The following GABRB1 variants were observed in gnomAD, a reference collection of about 807,000 sequenced individuals.
GABRB1 encodes the protein gamma-aminobutyric acid type A receptor subunit beta1, also known as gamma-aminobutyric acid receptor subunit beta-1.
GABRB1 carries 17 observed loss-of-function variants against 51.6 expected under a neutral mutation model. The ratio of observed to expected loss-of-function variants is 0.33; its 90% CI spans 0.23 to 0.49. The LOEUF is 0.49. Ranked by LOEUF, GABRB1 falls within the 20% of genes least tolerant of loss-of-function variation. The probability of loss-of-function intolerance (pLI) is 0.99; values close to 1 mark genes in which losing one functional copy is unlikely to be tolerated. For synonymous variants in GABRB1, 247 were observed against 218.9 expected, an observed-to-expected ratio of 1.13 and a Z score of -1.14; for missense variants, 410 against 600.6, an observed-to-expected ratio of 0.68 and a Z score of 3.32.
intron 5 of GABRB1, among the ~76,000 whole-genome samples, chr4:47,343,209 T>G: frequency 6.6e-6 from 1 of 151,998 alleles, no homozygotes; most frequent in African/African-American, 2.4e-5. Context: ...GTTAGAGAAT[T>G]TAGGAATGGC....
In GABRB1 at chr4:47,102,756, C is replaced by T. The variant is rs138875824; in HGVS notation, c.241-58493C>T. Among the ~76,000 whole-genome samples, 635 of 152,048 alleles carry T rather than the reference C, an allele frequency of 4.2e-3. 3 individuals are homozygous for T. Among genetic ancestry groups the T allele is most frequent in the Middle Eastern group, 0.01 (3 of 294 alleles). On this transcript the variant is annotated intron_variant, in intron 3 of 8. Coordinates refer to ENST00000295454, the MANE Select transcript of GABRB1 (RefSeq NM_000812.4). ...GTGCCAGCACATGGAAAACAAAGAACTTAAAGCATCAGAGTAGGATAGTCA... is the reference window on the plus strand; with the variant it reads ...GTGCCAGCACATGGAAAACAAAGAATTTAAAGCATCAGAGTAGGATAGTCA...
chr4:47,065,015 A>G (rs1264736359), intron 3 of GABRB1, among the ~76,000 whole-genome samples: 1 of 152,216 alleles, frequency 6.6e-6, no homozygotes, highest in Non-Finnish European at 1.5e-5. Context: ...AAGGATATTT[A>G]ATTGGAAAAT....
intron 3 of GABRB1, among the ~76,000 whole-genome samples, chr4:47,102,346 G>A (rs971168665): frequency 3.3e-5 from 5 of 152,020 alleles, no homozygotes; most frequent in African/African-American, 1.2e-4. Context: ...CAAGAGGCAT[G>A]TATCTGAGGA....
At chr4:47,301,695 G>C (rs1669731567) in intron 4 of GABRB1, among the ~76,000 whole-genome samples, 1 of 151,370 alleles carries the variant, frequency 6.6e-6, no homozygotes, top group African/African-American at 2.4e-5. Context: ...AGATGCTACA[G>C]CTCATTCAAA....
At chr4:47,120,932 G>C (rs971152184) in intron 3 of GABRB1, among the ~76,000 whole-genome samples, 1 of 152,154 alleles carries the variant, frequency 6.6e-6, no homozygotes, top group East Asian at 1.9e-4. Flanking sequence ...GTGCTGCCTG[G>C]TGTTGAAGAA....
intron 5 of GABRB1, among the ~76,000 whole-genome samples, chr4:47,401,841 A>G (rs966535435): frequency 8.0e-4 from 36 of 45,150 alleles, no homozygotes; most frequent in Non-Finnish European, 3.2e-4. Context: ...TCTATCTATC[A>G]TCTATCTATC....
intron 4 of GABRB1, among the ~76,000 whole-genome samples, chr4:47,217,668 AT>A (rs1254912564): frequency 6.6e-6 from 1 of 151,508 alleles, no homozygotes; most frequent in Non-Finnish European, 1.5e-5. Flanking sequence ...TCCTTTTTAG[AT>A]TTTTTAAATG....
intron 4 of GABRB1, among the ~76,000 whole-genome samples, chr4:47,176,538 T>C (rs769309187): frequency 6.6e-6 from 1 of 152,126 alleles, no homozygotes; most frequent in Non-Finnish European, 1.5e-5. Context: ...TTGAAATGCC[T>C]GTAGACGTGT....
intron 4 of GABRB1, among the ~76,000 whole-genome samples, chr4:47,191,403 C>A (rs1003681276): frequency 2.0e-5 from 3 of 152,098 alleles, no homozygotes; most frequent in African/African-American, 7.2e-5. Context: ...ATTTACTTCA[C>A]CCCCTAACTG....
intron 5 of GABRB1, among the ~76,000 whole-genome samples, chr4:47,343,939 C>G (rs568161375): frequency 3.9e-5 from 6 of 152,260 alleles, no homozygotes; most frequent in Non-Finnish European, 7.3e-5. Context: ...TGAACTCATG[C>G]CTTTCTGACT....
At chr4:47,088,739 A>C (rs1308805683) in intron 3 of GABRB1, among the ~76,000 whole-genome samples, 1 of 152,136 alleles carries the variant, frequency 6.6e-6, no homozygotes, top group Non-Finnish European at 1.5e-5. Flanking sequence ...CTACCAGCTG[A>C]TATTCTCTTC....
At chr4:47,304,309 C>T (rs1408590228) in intron 4 of GABRB1, among the ~76,000 whole-genome samples, 1 of 151,938 alleles carries the variant, frequency 6.6e-6, no homozygotes, top group Non-Finnish European at 1.5e-5. Flanking sequence ...ATTTATCTTT[C>T]ATCTTTTTGA....
intron 3 of GABRB1, among the ~76,000 whole-genome samples, chr4:47,086,366 A>C (rs542259191): frequency 6.6e-6 from 1 of 152,330 alleles, no homozygotes; most frequent in African/African-American, 2.4e-5. Flanking sequence ...AATTGATTAT[A>C]AAATTCTTAA....
intron 3 of GABRB1, among the ~76,000 whole-genome samples, chr4:47,118,438 T>TG (rs1715601822): frequency 1.3e-5 from 2 of 152,246 alleles, no homozygotes; most frequent in Non-Finnish European, 2.9e-5. Flanking sequence ...TGATAAAATA[T>TG]TTAATGTTAT....
chr4:47,001,291 C>CA (rs1724199502), intron 1 of GABRB1, among the ~76,000 whole-genome samples: 1 of 151,618 alleles, frequency 6.6e-6, no homozygotes, highest in African/African-American at 2.4e-5. Context: ...TACAGGCGCC[C>CA]CCCACCACGC....
intron 5 of GABRB1, among the ~76,000 whole-genome samples, chr4:47,337,335 A>G (rs1457548573): frequency 6.6e-6 from 1 of 152,184 alleles, no homozygotes; most frequent in Admixed American, 6.5e-5. Flanking sequence ...AGGACTTCAG[A>G]GAGCTGGTGG....
At chr4:47,330,318 C>A (rs1271956299) in intron 5 of GABRB1, among the ~76,000 whole-genome samples, 2 of 152,180 alleles carry the variant, frequency 1.3e-5, no homozygotes, top group Non-Finnish European at 2.9e-5. Flanking sequence ...CTGGACACCT[C>A]GTGATCCAGC....
At chr4:47,226,730 C>T (rs1352187214) in intron 4 of GABRB1, among the ~76,000 whole-genome samples, 1 of 152,092 alleles carries the variant, frequency 6.6e-6, no homozygotes, top group Non-Finnish European at 1.5e-5. Flanking sequence ...AATAAGCTCA[C>T]CACATTTTTT....
intron 3 of GABRB1, among the ~76,000 whole-genome samples, chr4:47,102,091 T>C (rs1335015197): frequency 1.3e-5 from 2 of 151,990 alleles, no homozygotes; most frequent in African/African-American, 2.4e-5. Flanking sequence ...GTCAAACACT[T>C]GGCAAGTCAT....
Sources: gnomAD v4.1 joint callset for allele counts (sites outside exome capture counted in the v4.1 genomes callset) on GRCh38, gnomAD v4.1.1 for gene constraint, MANE v1.5 for transcripts, NCBI Gene and HGNC (gene_info 2026-07-23, HGNC 2026-07-21) for gene names.